ARHGAP24: variants seen among roughly 807,000 people sequenced by gnomAD.
ARHGAP24 encodes the protein Rho GTPase activating protein 24.
A neutral mutation model predicts 76.4 loss-of-function variants in ARHGAP24; 50 were observed. The ratio of observed to expected loss-of-function variants is 0.65; its 90% CI spans 0.52 to 0.83. ARHGAP24 has a LOEUF of 0.83. ARHGAP24 is among the 40% of genes least tolerant of loss of function. The pLI is 0.00. For missense variants in ARHGAP24, 930 were observed against 914.2 expected, an observed-to-expected ratio of 1.02 and a Z score of -0.22; for synonymous variants, 345 against 323.3, an observed-to-expected ratio of 1.07 and a Z score of -0.72.
intron 2 of ARHGAP24, among the ~76,000 whole-genome samples, chr4:85,719,732 G>T (rs1470513627): frequency 6.6e-6 from 1 of 152,116 alleles, no homozygotes; most frequent in Non-Finnish European, 1.5e-5. Context: ...GTAAATTAGG[G>T]AGCAAAACAC....
intron 1 of ARHGAP24, among the ~76,000 whole-genome samples, chr4:85,541,158 T>C (rs1469344406): frequency 9.6e-6 from 1 of 103,628 alleles, no homozygotes; most frequent in Non-Finnish European, 1.7e-5. Context: ...TTTTTTTTTT[T>C]TTTTTTTTTT....
chr4:85,972,800 C>A (rs1739066463), intron 6 of ARHGAP24, among the ~76,000 whole-genome samples: 1 of 152,158 alleles, frequency 6.6e-6, no homozygotes, highest in Admixed American at 6.6e-5. Context: ...TATAGATTTG[C>A]CTATTCTGGA....
At chr4:85,508,632 G>C (rs1488389260) in intron 1 of ARHGAP24, among the ~76,000 whole-genome samples, 1 of 152,130 alleles carries the variant, frequency 6.6e-6, no homozygotes, top group Admixed American at 6.5e-5. Flanking sequence ...CCCGTGCTAT[G>C]AGCTTTCCCC....
rs190972094 is a variant in ARHGAP24 at position 85,826,506 on chromosome 4, C to T, written c.269-97142C>T. On this transcript the variant is annotated intron_variant, in intron 3 of 9. Coordinates refer to ENST00000395184, the MANE Select transcript of ARHGAP24 (RefSeq NM_001025616.3). ...AGAGAACAGCAGTTCAATAAAATCT[C>T]GAACTCTATTTATAGCCCACTTGAA... Among the ~76,000 whole-genome samples the T allele has an allele frequency of 1.7e-3, 260 of 152,282 alleles. 1 individual carries two copies. Among genetic ancestry groups the T allele is most frequent in the African/African-American group, 6.0e-3 (251 of 41,556 alleles).
chr4:85,975,626 T>A (rs1450835875), intron 7 of ARHGAP24: 1 of 152,286 alleles, frequency 6.6e-6, no homozygotes, highest in Non-Finnish European at 1.5e-5. Context: ...TATGTGCTCC[T>A]GTTTAAGAAA....
chr4:85,566,142 G>A (rs1371962076), intron 1 of ARHGAP24, among the ~76,000 whole-genome samples: 1 of 152,164 alleles, frequency 6.6e-6, no homozygotes, highest in Non-Finnish European at 1.5e-5. Flanking sequence ...TTTTGTTTTA[G>A]TTTGGAATAA....
chr4:85,611,306 C>T (rs1485337695), intron 2 of ARHGAP24, among the ~76,000 whole-genome samples: 1 of 152,122 alleles, frequency 6.6e-6, no homozygotes, highest in Admixed American at 6.5e-5. Flanking sequence ...GAACAATAAA[C>T]TTCCAAATAA....
chr4:85,696,312 G>T (rs72656235), intron 2 of ARHGAP24, among the ~76,000 whole-genome samples: 22 of 147,464 alleles, frequency 1.5e-4, no homozygotes, highest in African/African-American at 2.7e-4. Flanking sequence ...ATTCCTAAAA[G>T]TAAATACATA....
chr4:85,551,245 T>G (rs1726124827), intron 1 of ARHGAP24, among the ~76,000 whole-genome samples: 1 of 152,246 alleles, frequency 6.6e-6, no homozygotes, highest in South Asian at 2.1e-4. Flanking sequence ...GAAGGGATGT[T>G]GAATTTTATC....
chr4:85,981,280 A>G (rs1019093253), intron 8 of ARHGAP24, among the ~76,000 whole-genome samples: 1 of 152,228 alleles, frequency 6.6e-6, no homozygotes, highest in Non-Finnish European at 1.5e-5. Flanking sequence ...GTTTCACTTC[A>G]AGAAATACAG....
At chr4:85,940,817 G>A (rs1041934396) in intron 4 of ARHGAP24, among the ~76,000 whole-genome samples, 1 of 152,114 alleles carries the variant, frequency 6.6e-6, no homozygotes, top group Non-Finnish European at 1.5e-5. Flanking sequence ...TTGATACCAG[G>A]TGTAGAATAG....
chr4:85,478,900 C>T (rs1722705490), intron 1 of ARHGAP24, among the ~76,000 whole-genome samples: 1 of 152,172 alleles, frequency 6.6e-6, no homozygotes, highest in African/African-American at 2.4e-5. Flanking sequence ...ATAATTGTTG[C>T]AATAATTTTT....
Position 85,525,398 on chromosome 4 carries a change from C to G in ARHGAP24, c.-20-45124C>G, listed in dbSNP as rs558757408. 9.9e-4 allele frequency among the ~76,000 whole-genome samples: 150 copies of G among 151,316 alleles called. 2 individuals carry two copies. The highest frequency in any genetic ancestry group is 2.5e-3 in the South Asian group (12 of 4,796). ...TTCCTTTTTGCATTCTTTAAGCTCTCCACTAGGACTCATCACAGAAAACTA... is the reference window on the plus strand; with the variant it reads ...TTCCTTTTTGCATTCTTTAAGCTCTGCACTAGGACTCATCACAGAAAACTA... On this transcript the variant is annotated intron_variant, in intron 1 of 9. Transcript: ENST00000395184.
At chr4:85,928,999 T>A (rs866109871) in intron 4 of ARHGAP24, among the ~76,000 whole-genome samples, 1 of 152,182 alleles carries the variant, frequency 6.6e-6, no homozygotes. Context: ...ATCTTGGATA[T>A]GTAGTTTTAC....
intron 6 of ARHGAP24, among the ~76,000 whole-genome samples, chr4:85,973,833 G>GTTTTTTTTTTTTTTTTTTTTTTTTTTTT (rs1199796194): frequency 4.7e-5 from 2 of 42,820 alleles, no homozygotes; most frequent in Non-Finnish European, 4.1e-5. Context: ...GCTGCCTATT[G>GTTTTTTTTTTTTTTTTTTTTTTTTTTTT]TTTTTTTTTT....
intron 2 of ARHGAP24, among the ~76,000 whole-genome samples, chr4:85,667,065 G>A (rs1159323383): frequency 6.6e-6 from 1 of 152,184 alleles, no homozygotes. Context: ...AGAGGTTACT[G>A]CTGTCTTTTT....
intron 1 of ARHGAP24, among the ~76,000 whole-genome samples, chr4:85,481,530 A>C (rs2110087320): frequency 6.6e-6 from 1 of 152,286 alleles, no homozygotes; most frequent in East Asian, 1.9e-4. Context: ...TACCACTACC[A>C]AGGTTGGCTA....
At chr4:85,567,861 C>A (rs1726908449) in intron 1 of ARHGAP24, among the ~76,000 whole-genome samples, 1 of 152,144 alleles carries the variant, frequency 6.6e-6, no homozygotes, top group Non-Finnish European at 1.5e-5. Flanking sequence ...CCTCATCTAA[C>A]AATAGTTGTG....
intron 5 of ARHGAP24, among the ~76,000 whole-genome samples, chr4:85,952,385 A>AT (rs1737662658): frequency 6.6e-6 from 1 of 152,190 alleles, no homozygotes; most frequent in African/African-American, 2.4e-5. Flanking sequence ...TGTTTTGCAC[A>AT]TATCTGTCCT....
Sources: gnomAD v4.1 joint callset for allele counts (sites outside exome capture counted in the v4.1 genomes callset) on GRCh38, gnomAD v4.1.1 for gene constraint, MANE v1.5 for transcripts, NCBI Gene and HGNC (gene_info 2026-07-23, HGNC 2026-07-21) for gene names.